The following PPM1B variants were observed in gnomAD, a reference collection of about 807,000 sequenced individuals.
PPM1B encodes the protein protein phosphatase, Mg2+/Mn2+ dependent 1B.
A neutral mutation model predicts 43.0 loss-of-function variants in PPM1B; 22 were observed. The observed-to-expected ratio is 0.51, with a 90% CI of 0.37 to 0.73. The LOEUF (loss-of-function observed/expected upper bound fraction) is 0.73. Ranked by LOEUF, PPM1B falls within the 30% of genes least tolerant of loss-of-function variation. PPM1B has a pLI of 0.00. For missense variants in PPM1B, 632 were observed against 584.2 expected, an observed-to-expected ratio of 1.08 and a Z score of -0.84; for synonymous variants, 217 against 197.9, an observed-to-expected ratio of 1.10 and a Z score of -0.81.
chr2:44,175,908 C>T (rs1298709969), intron 1 of PPM1B, among the ~76,000 whole-genome samples: 2 of 151,590 alleles, frequency 1.3e-5, no homozygotes, highest in African/African-American at 2.4e-5. Context: ...GCCTCAGTCT[C>T]CCGAGTAGCT....
intron 3 of PPM1B, among the ~76,000 whole-genome samples, chr2:44,217,182 C>G (rs753939507): frequency 5.3e-5 from 8 of 151,844 alleles, no homozygotes; most frequent in Non-Finnish European, 8.8e-5. Context: ...GGTGGATCAC[C>G]TGAGGTTGGG....
chr2:44,180,585 C>A (rs925654004), intron 1 of PPM1B, among the ~76,000 whole-genome samples: 1 of 152,034 alleles, frequency 6.6e-6, no homozygotes, highest in Non-Finnish European at 1.5e-5. Context: ...CTAGGACATT[C>A]TTTCTTGAAG....
downstream of PPM1B, chr2:44,244,491 AC>A (rs970394943): frequency 1.2e-6 from 1 of 814,052 alleles, no homozygotes; most frequent in African/African-American, 1.8e-5. Context: ...CATGTGATAA[AC>A]ACCTGTGGCT....
intron 1 of PPM1B, among the ~76,000 whole-genome samples, chr2:44,171,392 C>G (rs1422705094): frequency 6.6e-6 from 1 of 152,184 alleles, no homozygotes; most frequent in Non-Finnish European, 1.5e-5. Context: ...GAAAAAGTGG[C>G]TCTTGTTGAA....
intron 2 of PPM1B, among the ~76,000 whole-genome samples, chr2:44,208,009 C>T (rs1435628973): frequency 6.6e-6 from 1 of 151,558 alleles, no homozygotes; most frequent in East Asian, 2.0e-4. Context: ...CTGCCTCAGC[C>T]TCCTGAGTAG....
Position 44,228,680 on chromosome 2 carries a change from C to A in PPM1B, c.1135-1733C>A, listed in dbSNP as rs564633562. 5.9e-5 allele frequency among the ~76,000 whole-genome samples: 9 copies of A among 151,904 alleles called. No homozygotes were observed. The South Asian group carries it at 1.9e-3, about 31-fold the overall frequency. On this transcript the variant is annotated intron_variant, in intron 5 of 5. Coordinates refer to ENST00000282412, the MANE Select transcript of PPM1B (RefSeq NM_002706.6). ...TCCCAATATTTTAAGATGAAAACTT[C>A]CAAATGTATTTAAAAAGGGGATATG... is the stretch of plus-strand genomic sequence containing the variant.
intron 3 of PPM1B, among the ~76,000 whole-genome samples, chr2:44,214,013 T>A (rs182408425): frequency 3.9e-5 from 6 of 152,306 alleles, no homozygotes; most frequent in African/African-American, 1.4e-4. Flanking sequence ...TGTGAACTTA[T>A]CCAACTTGCT....
intron 3 of PPM1B, among the ~76,000 whole-genome samples, chr2:44,214,703 C>G (rs997107112): frequency 1.3e-5 from 2 of 151,888 alleles, no homozygotes; most frequent in African/African-American, 4.8e-5. Context: ...CCAGAGTGGT[C>G]CTATATCAAG....
intron 5 of PPM1B, among the ~76,000 whole-genome samples, chr2:44,241,938 G>A (rs929610614): frequency 7.7e-4 from 96 of 124,526 alleles, no homozygotes; most frequent in African/African-American, 9.3e-4. Flanking sequence ...AGCTCACTGC[G>A]AGCTCCGCCT....
At chr2:44,213,013 CAA>C (rs57091283) in intron 3 of PPM1B, among the ~76,000 whole-genome samples, 373 of 65,306 alleles carry the variant, frequency 5.7e-3, no homozygotes, top group African/African-American at 0.017. Context: ...ACTCCGTTTC[CAA>C]AAAAAAAAAA....
At chr2:44,212,605 C>T (rs1357216130) in intron 3 of PPM1B, among the ~76,000 whole-genome samples, 1 of 152,190 alleles carries the variant, frequency 6.6e-6, no homozygotes, top group Non-Finnish European at 1.5e-5. Context: ...GAGTTTAAAT[C>T]TGCCGTCTTT....
intron 3 of PPM1B, among the ~76,000 whole-genome samples, chr2:44,211,954 G>A (rs1199908749): frequency 2.6e-5 from 4 of 152,056 alleles, no homozygotes; most frequent in Non-Finnish European, 2.9e-5. Context: ...TCTCCATGTT[G>A]GTCAGGCTGA....
At position 44,202,040 on chromosome 2, in the gene PPM1B, C is replaced by T. The variant is rs747349921; in HGVS notation, c.841C>T (p.His281Tyr). 6.4e-7 allele frequency: 1 copy of T among 1,553,788 alleles called. No individual in the cohort carries two copies. The highest frequency in any genetic ancestry group is 8.7e-7 in the Non-Finnish European group (1 of 1,151,668). Reference sequence around the variant, plus strand: ...CAATTGGGTAGTGGACACTTGTTTACACAAGGTATGTAAACTTTTTTGTCA... The same window carrying T: ...CAATTGGGTAGTGGACACTTGTTTATACAAGGTATGTAAACTTTTTTGTCA... The part of the protein sequence containing the change: ...VCNWVVDTCL[H>Y]KGSRDNMSIV... Residue 281 changes from histidine to tyrosine, a missense_variant, in exon 2 of 6, where the codon CAC (histidine) becomes TAC (tyrosine). By Grantham distance (83) the His-to-Tyr change is moderately conservative. Transcript: ENST00000282412.
chr2:44,169,079 G>C lies in PPM1B; in HGVS notation c.-210G>C. ...CGGCCGAATCGGCAACGGCGCTAGG[G>C]TGGAGAGAAGGCGGCATCGGCGGCG... On this transcript the variant is annotated 5_prime_UTR_variant, in exon 1 of 6. Coordinates refer to ENST00000282412, the MANE Select transcript of PPM1B (RefSeq NM_002706.6). The C allele has an allele frequency of 1.1e-5, 2 of 184,208 alleles. No homozygotes were observed. Among genetic ancestry groups the C allele is most frequent in the Non-Finnish European group, 2.3e-5 (2 of 88,864 alleles). The allele number at this position is 184,208 out of a possible 1,614,324, so 11.4% of individuals were successfully genotyped here.
chr2:44,207,537 A>T (rs1335347721), intron 2 of PPM1B, among the ~76,000 whole-genome samples: 1 of 151,984 alleles, frequency 6.6e-6, no homozygotes, highest in Non-Finnish European at 1.5e-5. Flanking sequence ...TTTTTAATTG[A>T]TTGCACATAA....
chr2:44,201,356 T>A lies in PPM1B; in HGVS notation c.157T>A (p.Trp53Arg). 6.2e-7 allele frequency: 1 copy of A among 1,614,140 alleles called. No individual in the cohort carries two copies. Among genetic ancestry groups the A allele is most frequent in the Non-Finnish European group, 8.5e-7 (1 of 1,180,008 alleles). Residue 53 changes from tryptophan (W) to arginine (R), a missense_variant, in exon 2 of 6, where the codon TGG becomes AGG. Physicochemically the swap from Trp to Arg is moderately radical, Grantham distance 101. Coordinates refer to ENST00000282412, the MANE Select transcript of PPM1B (RefSeq NM_002706.6). The surrounding 1 kb of genome is among the most constrained non-coding windows in gnomAD (Gnocchi z 5.4). ...AGGTATTCCTCACGGCTTGGAAGAC[T>A]GGTCATTTTTTGCAGTTTATGATGG... Reference protein sequence around the residue: ...VVGIPHGLEDWSFFAVYDGHA... With the variant: ...VVGIPHGLEDRSFFAVYDGHA...
chr2:44,226,971 T>TATGA (rs151051302), intron 5 of PPM1B, among the ~76,000 whole-genome samples: 397 of 142,596 alleles, frequency 2.8e-3, no homozygotes, highest in African/African-American at 7.5e-3. Flanking sequence ...TTTATTTATT[T>TATGA]ATGAATGAAT....
intron 5 of PPM1B, chr2:44,219,146 C>A (rs1008141677): frequency 7.5e-5 from 12 of 159,232 alleles, no homozygotes; most frequent in Admixed American, 2.6e-4. Context: ...CCAGCTGCCC[C>A]TCTATATTGT....
At chr2:44,193,810 G>A (rs909149638) in intron 1 of PPM1B, among the ~76,000 whole-genome samples, 5 of 151,808 alleles carry the variant, frequency 3.3e-5, no homozygotes, top group African/African-American at 7.3e-5. Flanking sequence ...AACTCCTGAC[G>A]TAAGGTGATC....
Sources: gnomAD v4.1 joint callset for allele counts (sites outside exome capture counted in the v4.1 genomes callset) on GRCh38, gnomAD v4.1.1 for gene constraint, Gnocchi (gnomAD v3.1) non-coding constraint, MANE v1.5 for transcripts, NCBI Gene and HGNC (gene_info 2026-07-23, HGNC 2026-07-21) for gene names.